USP47: variants seen among roughly 807,000 people sequenced by gnomAD.
USP47 encodes the protein ubiquitin carboxyl-terminal hydrolase 47.
USP47 carries 35 observed loss-of-function variants against 165.1 expected under a neutral mutation model. That is an observed-to-expected ratio of 0.21 (90% CI 0.16 to 0.28). The LOEUF (loss-of-function observed/expected upper bound fraction) is 0.28, where lower values mean the gene tolerates loss of function less well. Among genes scored for constraint, USP47 ranks in the 10% least tolerant of loss-of-function variants. USP47 has a pLI of 1.00. For missense variants in USP47, 1,277 were observed against 1,607.4 expected, an observed-to-expected ratio of 0.79 and a Z score of 3.52; for synonymous variants, 531 against 544.5, an observed-to-expected ratio of 0.98 and a Z score of 0.35.
chr11:11,922,228 A>G (rs986249133), intron 10 of USP47, among the ~76,000 whole-genome samples: 2 of 151,930 alleles, frequency 1.3e-5, no homozygotes, highest in Non-Finnish European at 2.9e-5. Flanking sequence ...TTCCTGTAAA[A>G]AGACTATCAA....
chr11:11,870,082 T>TC (rs938077340), intron 1 of USP47, among the ~76,000 whole-genome samples: 14 of 152,042 alleles, frequency 9.2e-5, no homozygotes, highest in South Asian at 6.2e-4. Flanking sequence ...CTTTTTTTTT[T>TC]CCCCTCTGTT....
chr11:11,898,315 T>A (rs1851976811), intron 5 of USP47, among the ~76,000 whole-genome samples: 1 of 152,178 alleles, frequency 6.6e-6, no homozygotes, highest in Non-Finnish European at 1.5e-5. Flanking sequence ...GATAAACACA[T>A]AATTTTTTAG....
In USP47 at chr11:11,891,350, A is replaced by G. The variant is rs114261791; in HGVS notation, c.358-618A>G. 5.2e-3 allele frequency among the ~76,000 whole-genome samples: 796 copies of G among 152,280 alleles called. 10 individuals are homozygous for G. Among genetic ancestry groups the G allele is most frequent in the African/African-American group, 0.018 (764 of 41,548 alleles). On this transcript the variant is annotated intron_variant, in intron 3 of 27. Coordinates refer to ENST00000527733, the MANE Select transcript of USP47 (RefSeq NM_001282659.2). The stretch of plus-strand genomic sequence containing the variant: ...TTAACAATGCCTGTCTGGATACTAG[A>G]CAGTAATTAAACACAGTCCATCTGT...
chr11:11,845,339 G>C (rs990117408), intron 1 of USP47, among the ~76,000 whole-genome samples: 1 of 151,924 alleles, frequency 6.6e-6, no homozygotes, highest in Admixed American at 6.6e-5. Flanking sequence ...CCTCCTTCCT[G>C]TTCAAAACCT....
At chr11:11,938,160 T>A (rs1855210114) in intron 17 of USP47, 97 bp from the exon 18 acceptor site, 2 of 993,422 alleles carry the variant, frequency 2.0e-6, no homozygotes, top group Non-Finnish European at 3.0e-6. Flanking sequence ...AAGTTTGGAT[T>A]TGTCACCTGT....
intron 1 of USP47, among the ~76,000 whole-genome samples, chr11:11,854,161 C>T (rs1848893843): frequency 6.9e-6 from 1 of 145,410 alleles, no homozygotes. Flanking sequence ...AAATCCTATC[C>T]AACCAGCAAA....
At chr11:11,879,790 A>T (rs1850712044) in intron 1 of USP47, among the ~76,000 whole-genome samples, 1 of 152,030 alleles carries the variant, frequency 6.6e-6, no homozygotes, top group Non-Finnish European at 1.5e-5. Flanking sequence ...GAAATATTTG[A>T]TTTGACTGTG....
intron 1 of USP47, among the ~76,000 whole-genome samples, chr11:11,855,283 G>T (rs1207184809): frequency 1.3e-5 from 2 of 152,108 alleles, no homozygotes; most frequent in African/African-American, 2.4e-5. Context: ...TTATTTTAAA[G>T]CAGGATCCAT....
At chr11:11,942,122 A>G (rs1463843888) in intron 19 of USP47, among the ~76,000 whole-genome samples, 2 of 152,134 alleles carry the variant, frequency 1.3e-5, no homozygotes, top group African/African-American at 4.8e-5. Context: ...CATACCGTCT[A>G]TCTTAGTGTA....
chr11:11,942,570 A>G lies in USP47; in HGVS notation c.2549A>G (p.Glu850Gly), dbSNP rs1440285321. Reference protein sequence around the residue: ...KGPVGSLKSVEAILEESTEKL... With the variant: ...KGPVGSLKSVGAILEESTEKL... ...CCTGTAGGAAGCCTAAAGTCTGTGG[A>G]AGCTATTCTAGAAGAAAGCACTGAA... The change falls in exon 20 of 28, where the codon GAA becomes GGA. Residue 850 changes from glutamate (E) to glycine (G), a missense_variant. By Grantham distance (98) the Glu-to-Gly change is moderately conservative (BLOSUM62 -2). Around this residue, in one of 4 missense-constraint regions of USP47, gnomAD observed 909 missense variants for 1,068.1 expected, o/e 0.85. Coordinates refer to ENST00000527733, the MANE Select transcript of USP47 (RefSeq NM_001282659.2). 1 of 1,613,382 alleles carries G rather than the reference A, an allele frequency of 6.2e-7. No homozygotes were observed. The highest frequency in any genetic ancestry group is 8.5e-7 in the Non-Finnish European group (1 of 1,179,724).
chr11:11,953,554 C>A (rs1224678845), intron 25 of USP47, among the ~76,000 whole-genome samples: 1 of 151,734 alleles, frequency 6.6e-6, no homozygotes, highest in Non-Finnish European at 1.5e-5. Flanking sequence ...CTCTGCATAG[C>A]CAAAGAAAAA....
chr11:11,859,909 G>C (rs553680665), intron 1 of USP47, among the ~76,000 whole-genome samples: 5 of 151,828 alleles, frequency 3.3e-5, no homozygotes, highest in Non-Finnish European at 7.4e-5. Flanking sequence ...TTCAAGACCA[G>C]CCTGGCCAAC....
At chr11:11,911,194 T>G (rs888205039) in intron 8 of USP47, among the ~76,000 whole-genome samples, 1 of 151,944 alleles carries the variant, frequency 6.6e-6, no homozygotes, top group African/African-American at 2.4e-5. Flanking sequence ...AGAGAGAAGA[T>G]AGACTGAAAA....
chr11:11,877,777 CTCTCTCTCTCTT>C (rs1477010017), intron 1 of USP47, among the ~76,000 whole-genome samples: 2 of 138,658 alleles, frequency 1.4e-5, no homozygotes, highest in African/African-American at 2.8e-5. Flanking sequence ...TTCTCTCTCT[CTCTCTCTCTCTT>C]TCTCTCTCTC....
chr11:11,895,264 C>T (rs887013312), intron 4 of USP47, among the ~76,000 whole-genome samples: 4 of 151,966 alleles, frequency 2.6e-5, no homozygotes, highest in Admixed American at 1.3e-4. Context: ...AGTCTTTGTT[C>T]GCATTTACTG....
intron 3 of USP47, among the ~76,000 whole-genome samples, chr11:11,887,437 TG>T (rs1851233500): frequency 6.6e-6 from 1 of 152,068 alleles, no homozygotes; most frequent in Non-Finnish European, 1.5e-5. Context: ...TCCTAGTTTC[TG>T]ACAAAACAGA....
chr11:11,894,285 A>G (rs1851716915), intron 4 of USP47, among the ~76,000 whole-genome samples: 1 of 152,014 alleles, frequency 6.6e-6, no homozygotes, highest in African/African-American at 2.4e-5. Flanking sequence ...GTGAAACCCC[A>G]TCTCTACTAA....
intron 5 of USP47, among the ~76,000 whole-genome samples, chr11:11,898,829 C>T (rs984709745): frequency 1.4e-4 from 22 of 152,152 alleles, no homozygotes; most frequent in Admixed American, 1.3e-3. Context: ...AGATAGGAGG[C>T]CTGTCAAAAG....
At chr11:11,925,871 G>C (rs1380497293) in intron 11 of USP47, among the ~76,000 whole-genome samples, 2 of 152,140 alleles carry the variant, frequency 1.3e-5, no homozygotes, top group African/African-American at 4.8e-5. Context: ...GATGGTAGCT[G>C]TGGGGTTTTC....
Sources: allele counts gnomAD v4.1 joint callset (sites outside exome capture counted in the v4.1 genomes callset), GRCh38; gene constraint gnomAD v4.1.1; regional missense constraint gnomAD v4.1.1; transcripts MANE v1.5; gene names NCBI Gene and HGNC (gene_info 2026-07-23, HGNC 2026-07-21).